The following DLEU7 variants were observed in gnomAD, a reference collection of about 807,000 sequenced individuals.
DLEU7 encodes leukemia-associated protein 7.
A neutral mutation model predicts 16.0 loss-of-function variants in DLEU7; 17 were observed. That is an observed-to-expected ratio of 1.06 (90% CI 0.73 to 1.59). The LOEUF is 1.59. DLEU7 is among the 40% of genes most tolerant of loss of function. The pLI is 0.00. For synonymous variants in DLEU7, 113 were observed against 139.8 expected, an observed-to-expected ratio of 0.81 and a Z score of 1.35; for missense variants, 308 against 314.9, an observed-to-expected ratio of 0.98 and a Z score of 0.17.
At chr13:50,798,463 G>T (rs7335254) in intron 1 of DLEU7, among the ~76,000 whole-genome samples, 10,523 of 152,230 alleles carry the variant, frequency 0.069, 439 homozygotes, top group African/African-American at 0.11. Context: ...GTGGCATGGG[G>T]ACAGGGCTAG....
At chr13:50,825,093 CTCT>C (rs1051769643) in intron 1 of DLEU7, among the ~76,000 whole-genome samples, 2 of 151,996 alleles carry the variant, frequency 1.3e-5, no homozygotes, top group African/African-American at 4.8e-5. Context: ...ATTAGATTCT[CTCT>C]TTTTTTTTAA....
intron 1 of DLEU7, among the ~76,000 whole-genome samples, chr13:50,732,275 G>T (rs1007074230): frequency 1.3e-5 from 2 of 152,158 alleles, no homozygotes; most frequent in African/African-American, 4.8e-5. Context: ...ATGTTTTAGT[G>T]ATCTCCATCA....
At chr13:50,760,171 T>G (rs1410332772) in intron 1 of DLEU7, among the ~76,000 whole-genome samples, 1 of 152,244 alleles carries the variant, frequency 6.6e-6, no homozygotes, top group African/African-American at 2.4e-5. Context: ...TGTGTTCATC[T>G]TATAAATCCT....
At chr13:50,741,157 C>G (rs1173569059) in intron 1 of DLEU7, among the ~76,000 whole-genome samples, 2 of 152,178 alleles carry the variant, frequency 1.3e-5, no homozygotes, top group Non-Finnish European at 1.5e-5. Context: ...GGATGCATTT[C>G]TACTTGTAGA....
chr13:50,727,601 A>AT (rs1170333838), intron 1 of DLEU7, among the ~76,000 whole-genome samples: 1 of 152,094 alleles, frequency 6.6e-6, no homozygotes, highest in Non-Finnish European at 1.5e-5. Context: ...GAGAAGCTAC[A>AT]TCCCCCTAAG....
chr13:50,840,448 C>G (rs539465250), intron 1 of DLEU7, among the ~76,000 whole-genome samples: 2 of 152,198 alleles, frequency 1.3e-5, no homozygotes, highest in Admixed American at 6.5e-5. Context: ...CCCAAGGGAA[C>G]AAATCATGCA....
chr13:50,760,054 A>G (rs1420479267), intron 1 of DLEU7, among the ~76,000 whole-genome samples: 2 of 152,212 alleles, frequency 1.3e-5, no homozygotes, highest in Admixed American at 6.5e-5. Flanking sequence ...TTGAGTATAC[A>G]CTTTATGCAT....
downstream of DLEU7, among the ~76,000 whole-genome samples, chr13:50,820,985 G>T (rs1727140369): frequency 6.6e-6 from 1 of 151,950 alleles, no homozygotes; most frequent in South Asian, 2.1e-4. Context: ...TCTCAATTCA[G>T]ATGAGCCACA....
intron 1 of DLEU7, among the ~76,000 whole-genome samples, chr13:50,736,637 T>C (rs1007774846): frequency 5.9e-5 from 9 of 151,928 alleles, no homozygotes; most frequent in African/African-American, 2.4e-5. Context: ...AAGATTCTGT[T>C]TCAAGAAGGA....
chr13:50,745,997 C>A (rs1874382966), intron 1 of DLEU7, among the ~76,000 whole-genome samples: 1 of 152,112 alleles, frequency 6.6e-6, no homozygotes, highest in African/African-American at 2.4e-5. Flanking sequence ...ATTTAGGGAA[C>A]CGTAATGCCT....
In DLEU7 at chr13:50,726,517, CG is replaced by C. The variant is rs1370831913; in HGVS notation, c.460-13278del. Among the ~76,000 whole-genome samples, 5 of 152,112 alleles carry C rather than the reference CG, an allele frequency of 3.3e-5. No homozygotes were observed. Among genetic ancestry groups the C allele is most frequent in the Non-Finnish European group, 5.9e-5 (4 of 68,026 alleles). ...CACAAGGGTTTAAATTAAGGGTAAA[CG>C]TTGCATTTTCAAATCACAAAAGTTT... On this transcript the variant is annotated intron_variant, in intron 1 of 1. Coordinates refer to the DLEU7 transcript ENST00000400393. The surrounding 1 kb of genome is among the most constrained non-coding windows in gnomAD (Gnocchi z 4.0).
chr13:50,777,908 A>G (rs894457403), intron 1 of DLEU7, among the ~76,000 whole-genome samples: 4 of 152,132 alleles, frequency 2.6e-5, no homozygotes, highest in Admixed American at 6.5e-5. Flanking sequence ...TAGGAGGGGC[A>G]TGATAAAGTA....
At chr13:50,772,295 C>A (rs1303777415) in intron 1 of DLEU7, among the ~76,000 whole-genome samples, 2 of 152,076 alleles carry the variant, frequency 1.3e-5, no homozygotes, top group African/African-American at 2.4e-5. Flanking sequence ...TGTGTGAATT[C>A]AATCCTGTCT....
chr13:50,839,786 A>G (rs1005740893), intron 1 of DLEU7, among the ~76,000 whole-genome samples: 2 of 152,258 alleles, frequency 1.3e-5, no homozygotes, highest in Non-Finnish European at 2.9e-5. Flanking sequence ...ACCTGTTAAC[A>G]GTAATAATAA....
chr13:50,722,157 G>A (rs767281931), intron 1 of DLEU7, among the ~76,000 whole-genome samples: 2 of 152,186 alleles, frequency 1.3e-5, no homozygotes, highest in African/African-American at 2.4e-5. Context: ...CATGGCTGGA[G>A]TGACCTGCCC....
intron 1 of DLEU7, among the ~76,000 whole-genome samples, chr13:50,759,472 T>C (rs569552): frequency 0.47 from 71,477 of 152,008 alleles, 17,778 homozygotes; most frequent in African/African-American, 0.62. Context: ...CAGAGGTCTA[T>C]AGTGAAAGTT....
intron 1 of DLEU7, among the ~76,000 whole-genome samples, chr13:50,771,911 A>C (rs1271007053): frequency 1.3e-5 from 2 of 152,166 alleles, no homozygotes; most frequent in African/African-American, 4.8e-5. Flanking sequence ...GTCTCTTTGT[A>C]GGTCTCTAAG....
At chr13:50,789,312 T>C (rs1469310597) in intron 1 of DLEU7, among the ~76,000 whole-genome samples, 2 of 150,222 alleles carry the variant, frequency 1.3e-5, no homozygotes, top group East Asian at 3.9e-4. Context: ...GAACAACCCA[T>C]GTAACCTCTC....
chr13:50,711,772 C>CCGGGGGGTG, downstream of DLEU7: 3 of 72,928 alleles, frequency 4.1e-5, 1 homozygote, highest in African/African-American at 1.2e-4. Flanking sequence ...GACCCAGTGG[C>CCGGGGGGTG]GGGGGCGGGG....
Sources: allele counts gnomAD v4.1 joint callset (sites outside exome capture counted in the v4.1 genomes callset), GRCh38; gene constraint gnomAD v4.1.1; non-coding constraint Gnocchi (gnomAD v3.1); transcripts MANE v1.5; gene names NCBI Gene and HGNC (gene_info 2026-07-23, HGNC 2026-07-21).